APOO: variants seen among roughly 807,000 people sequenced by gnomAD.
APOO encodes MICOS complex subunit MIC26.
In APOO, 11 loss-of-function variants were observed where a neutral mutation model predicts 23.1. The ratio of observed to expected loss-of-function variants is 0.48; its 90% CI spans 0.30 to 0.79. APOO has a LOEUF of 0.79. APOO is among the 30% of genes least tolerant of loss of function. The pLI, the probability that APOO is intolerant of heterozygous loss-of-function variation, is 0.07. For synonymous variants in APOO, 59 were observed against 54.8 expected (o/e 1.08, Z -0.34); for missense variants, 160 against 142.7 (o/e 1.12, Z -0.62).
intron 1 of APOO, chrX:23,883,502 AC>A: frequency 9.1e-6 from 1 of 110,478 alleles, no homozygotes; most frequent in East Asian, 2.9e-4. Context: ...CCCACTCCAT[AC>A]CCCTTCTGGC....
intron 8 of APOO, among the ~76,000 whole-genome samples, chrX:23,838,591 T>G (rs1226484031): frequency 9.4e-6 from 1 of 106,759 alleles, no homozygotes; most frequent in Non-Finnish European, 1.9e-5. Flanking sequence ...TTTTTTTTTT[T>G]GTATTTTTAG....
At chrX:23,887,052 A>T (rs1266352092) in intron 1 of APOO, among the ~76,000 whole-genome samples, 2 of 108,688 alleles carry the variant, frequency 1.8e-5, no homozygotes, top group Non-Finnish European at 3.8e-5. Flanking sequence ...GGGACATAAT[A>T]AAAAAAAATC....
At chrX:23,865,243 C>A (rs1042587075) in intron 5 of APOO, among the ~76,000 whole-genome samples, 1 of 111,159 alleles carries the variant, frequency 9.0e-6, no homozygotes, top group Admixed American at 9.6e-5. Flanking sequence ...CTGAGAGCCT[C>A]TTGTCACCAC....
At chrX:23,904,815 T>C (rs752195907) in intron 1 of APOO, among the ~76,000 whole-genome samples, 39 of 111,428 alleles carry the variant, frequency 3.5e-4, no homozygotes, top group African/African-American at 1.2e-3. Flanking sequence ...CTGACACTGT[T>C]GACCAACTGA....
At chrX:23,838,520 G>A (rs965412690) in intron 8 of APOO, among the ~76,000 whole-genome samples, 11 of 107,318 alleles carry the variant, frequency 1.0e-4, no homozygotes, top group East Asian at 3.0e-4. Flanking sequence ...GGGTTCAAGC[G>A]ATTCTCCTGC....
intron 5 of APOO, among the ~76,000 whole-genome samples, chrX:23,863,546 T>C (rs773344071): frequency 1.5e-4 from 17 of 111,741 alleles, no homozygotes; most frequent in Non-Finnish European, 3.2e-4. Context: ...GCAAACAAAA[T>C]TCAGTGCCCA....
intron 4 of APOO, 123 bp from the exon 5 acceptor site, chrX:23,868,811 T>G (rs1569235156): frequency 2.1e-5 from 8 of 387,792 alleles, no homozygotes; most frequent in Non-Finnish European, 3.5e-5. Context: ...ACATATTCTC[T>G]GCATCCTGCT....
At chrX:23,905,152 G>C (rs1927297541) in intron 1 of APOO, among the ~76,000 whole-genome samples, 1 of 109,429 alleles carries the variant, frequency 9.1e-6, no homozygotes, top group Admixed American at 9.9e-5. Flanking sequence ...ACTTTGGGAG[G>C]CCAAGGCGGG....
At chrX:23,895,119 A>T (rs908169340) in intron 1 of APOO, among the ~76,000 whole-genome samples, 11 of 109,330 alleles carry the variant, frequency 1.0e-4, no homozygotes, top group Admixed American at 8.8e-4. Context: ...AGCCTGGGTG[A>T]CAGAGTGAGA....
At chrX:23,844,431 A>G (rs1414281525) in intron 7 of APOO, among the ~76,000 whole-genome samples, 1 of 111,068 alleles carries the variant, frequency 9.0e-6, no homozygotes, top group Non-Finnish European at 1.9e-5. Flanking sequence ...TAGGGAGATG[A>G]TCTTGGATTA....
Position 23,879,524 on chromosome X carries a change from T to C in APOO, c.118-490A>G, listed in dbSNP as rs754300387. On this transcript the variant is annotated intron_variant, in intron 2 of 8. Transcript: ENST00000379226. ...TATCTCAAACTATCTCTGCACCTTATTTCCATAATCAACGAGGCCAAGGCC... is the reference window on the plus strand; with the variant it reads ...TATCTCAAACTATCTCTGCACCTTACTTCCATAATCAACGAGGCCAAGGCC... 1.9e-4 allele frequency among the ~76,000 whole-genome samples: 21 copies of C among 112,515 alleles called. No homozygotes were observed. The South Asian group carries it at 7.6e-3, about 41-fold the overall frequency.
intron 1 of APOO, among the ~76,000 whole-genome samples, chrX:23,905,263 C>T (rs764650110): frequency 1.5e-4 from 16 of 109,626 alleles, no homozygotes; most frequent in South Asian, 7.9e-4. Flanking sequence ...TGGTGGCGGG[C>T]GCCTGTAATC....
intron 8 of APOO, among the ~76,000 whole-genome samples, chrX:23,836,258 T>C (rs369631960): frequency 8.9e-6 from 1 of 112,278 alleles, no homozygotes; most frequent in Non-Finnish European, 1.9e-5. Flanking sequence ...CTCAGCCTCC[T>C]GAGTAGTTTG....
intron 4 of APOO, among the ~76,000 whole-genome samples, chrX:23,869,988 C>T (rs779016479): frequency 1.8e-5 from 2 of 110,127 alleles, no homozygotes; most frequent in African/African-American, 6.6e-5. Context: ...ATACATTAGA[C>T]TCAGAAAAAT....
At chrX:23,875,332 G>A (rs1050302700) in intron 3 of APOO, among the ~76,000 whole-genome samples, 1 of 110,436 alleles carries the variant, frequency 9.1e-6, no homozygotes, top group African/African-American at 3.3e-5. Context: ...CTACAGTGAA[G>A]ACAAGAAGAG....
chrX:23,836,942 G>A lies in APOO; in HGVS notation c.*30-3330C>T, dbSNP rs757125424. On this transcript the variant is annotated intron_variant, in intron 8 of 8. Coordinates refer to ENST00000379226, the MANE Select transcript of APOO (RefSeq NM_024122.5). ...GAACAAGCAACACCTGGTCTCATCC[G>A]AACCCTGCGGATGTATTTTTCACCC... 783 of 1,198,877 alleles carry A rather than the reference G, an allele frequency of 6.5e-4. 1 individual carries two copies. Among genetic ancestry groups the A allele is most frequent in the South Asian group, 1.4e-3 (76 of 56,166 alleles).
chrX:23,893,420 G>A (rs750380310), intron 1 of APOO, among the ~76,000 whole-genome samples: 3 of 109,626 alleles, frequency 2.7e-5, no homozygotes, highest in African/African-American at 6.6e-5. Context: ...GCAAGGCTCC[G>A]TCTGAAAAAT....
intron 3 of APOO, 143 bp downstream of exon 3, chrX:23,878,772 G>A: frequency 1.5e-6 from 1 of 680,162 alleles, no homozygotes; most frequent in Non-Finnish European, 2.0e-6. Flanking sequence ...CTTTCCCCCA[G>A]ACCCCCACTA....
intron 7 of APOO, among the ~76,000 whole-genome samples, chrX:23,852,466 T>C (rs752342445): frequency 1.6e-4 from 18 of 109,888 alleles, no homozygotes; most frequent in Non-Finnish European, 3.4e-4. Context: ...TATTAAAAAT[T>C]AGCCAGGCGT....
Sources: allele counts gnomAD v4.1 joint callset (sites outside exome capture counted in the v4.1 genomes callset), GRCh38; gene constraint gnomAD v4.1.1; transcripts MANE v1.5; gene names NCBI Gene and HGNC (gene_info 2026-07-23, HGNC 2026-07-21).